The following PPP1R12A variants were observed in gnomAD, a reference collection of about 807,000 sequenced individuals.
PPP1R12A encodes the protein protein phosphatase 1 regulatory subunit 12A, also known as myosin binding subunit.
In PPP1R12A, 19 loss-of-function variants were observed where a neutral mutation model predicts 139.6. The ratio of observed to expected loss-of-function variants is 0.14; its 90% CI spans 0.09 to 0.20. The LOEUF (loss-of-function observed/expected upper bound fraction) is 0.20. Among genes scored for constraint, PPP1R12A ranks in the 10% least tolerant of loss-of-function variants. The pLI, the probability that PPP1R12A is intolerant of heterozygous loss-of-function variation, is 1.00. For missense variants in PPP1R12A, 925 were observed against 1,211.5 expected, an observed-to-expected ratio of 0.76 and a Z score of 3.51; for synonymous variants, 427 against 420.6, an observed-to-expected ratio of 1.02 and a Z score of -0.19.
intron 3 of PPP1R12A, among the ~76,000 whole-genome samples, chr12:79,843,613 T>A (rs945007813): frequency 3.0e-5 from 1 of 33,562 alleles, no homozygotes; most frequent in Non-Finnish European, 4.9e-5. Flanking sequence ...CAAAAAAAAA[T>A]ATAGATATAG....
At chr12:79,856,537 G>C (rs1028924832) in intron 2 of PPP1R12A, among the ~76,000 whole-genome samples, 1 of 152,110 alleles carries the variant, frequency 6.6e-6, no homozygotes, top group Non-Finnish European at 1.5e-5. Context: ...TGTCTTTCTT[G>C]CATAAATGAT....
At chr12:79,827,045 A>G (rs183248511) in intron 5 of PPP1R12A, among the ~76,000 whole-genome samples, 142 of 152,348 alleles carry the variant, frequency 9.3e-4, no homozygotes, top group African/African-American at 3.0e-3. Flanking sequence ...ATGAAAAGAG[A>G]GGTAACACGA....
chr12:79,788,496 A>T, intron 21 of PPP1R12A, 152 bp downstream of exon 21: 1 of 671,328 alleles, frequency 1.5e-6, no homozygotes, highest in Non-Finnish European at 2.4e-6. Context: ...ACAAACAGCT[A>T]TTTACATTCT....
intron 23 of PPP1R12A, chr12:79,779,214 T>C: frequency 2.3e-6 from 2 of 861,394 alleles, no homozygotes; most frequent in Non-Finnish European, 3.3e-6. Flanking sequence ...CACAACACAT[T>C]ATTGCAGTGT....
At chr12:79,921,727 G>C (rs557682767) in intron 1 of PPP1R12A, among the ~76,000 whole-genome samples, 6 of 152,230 alleles carry the variant, frequency 3.9e-5, no homozygotes, top group African/African-American at 1.2e-4. Context: ...TATGTTTCTT[G>C]CATGAATGAG....
chr12:79,920,020 A>G (rs1887315987), intron 1 of PPP1R12A, among the ~76,000 whole-genome samples: 3 of 152,310 alleles, frequency 2.0e-5, no homozygotes, highest in South Asian at 4.1e-4. Flanking sequence ...GCAGTTATTC[A>G]CCAACTCCCC....
At chr12:79,894,745 T>A in intron 1 of PPP1R12A, among the ~76,000 whole-genome samples, 1 of 152,208 alleles carries the variant, frequency 6.6e-6, no homozygotes, top group East Asian at 1.9e-4. Context: ...AACTTTTTTC[T>A]ATTAACTCAT....
At chr12:79,912,705 AAAAG>A (rs1245365695) in intron 1 of PPP1R12A, among the ~76,000 whole-genome samples, 1 of 151,974 alleles carries the variant, frequency 6.6e-6, no homozygotes, top group Admixed American at 6.6e-5. Context: ...AAAAAAAAAA[AAAAG>A]AAGAAATAAA....
chr12:79,867,909 G>A (rs1488125653), intron 2 of PPP1R12A, among the ~76,000 whole-genome samples: 1 of 152,072 alleles, frequency 6.6e-6, no homozygotes, highest in African/African-American at 2.4e-5. Context: ...CACCATGATT[G>A]TAAGTTTCCT....
intron 1 of PPP1R12A, among the ~76,000 whole-genome samples, chr12:79,877,840 T>A (rs1348507584): frequency 6.6e-6 from 1 of 152,150 alleles, no homozygotes. Flanking sequence ...TCTGTTCACC[T>A]TTTTTTCTCA....
At position 79,775,890 on chromosome 12, in the gene PPP1R12A, T is replaced by G. The variant is rs1243439491; in HGVS notation, c.*39A>C. On this transcript the variant is annotated 3_prime_UTR_variant, in exon 25 of 25. Transcript: ENST00000450142. Reference sequence around the variant, plus strand: ...TGCCAATTATGGTCCACTGGGTTACTAATATGTGCAATTCCATTACTTGCT... The same window carrying G: ...TGCCAATTATGGTCCACTGGGTTACGAATATGTGCAATTCCATTACTTGCT... 1.4e-6 allele frequency: 2 copies of G among 1,412,326 alleles called. No homozygotes were observed. Among genetic ancestry groups the G allele is most frequent in the Non-Finnish European group, 1.9e-6 (2 of 1,037,852 alleles). The allele number at this position is 1,412,326 out of a possible 1,614,324, so 87.5% of individuals were successfully genotyped here.
Position 79,884,125 on chromosome 12 carries a change from A to C in PPP1R12A, c.238-11187T>G, listed in dbSNP as rs189030759. ...TAAGCAAGATCCAGAATAGGGTCTT[A>C]TCTGCCATCTTTTGAGTAATCCTTT... On this transcript the variant is annotated intron_variant, in intron 1 of 24. Transcript: ENST00000450142. Among the ~76,000 whole-genome samples, 5 of 152,312 alleles carry C rather than the reference A, an allele frequency of 3.3e-5. No individual in the cohort carries two copies. In the East Asian group the frequency reaches 9.7e-4, roughly 29 times the overall value.
intron 3 of PPP1R12A, among the ~76,000 whole-genome samples, chr12:79,836,576 G>C (rs1163392746): frequency 1.3e-5 from 2 of 152,124 alleles, no homozygotes; most frequent in African/African-American, 4.8e-5. Flanking sequence ...CAAGTGTAAA[G>C]TTAACGTGAA....
intron 14 of PPP1R12A, among the ~76,000 whole-genome samples, chr12:79,803,751 G>A (rs763036378): frequency 2.2e-4 from 33 of 151,900 alleles, no homozygotes; most frequent in Non-Finnish European, 3.8e-4. Context: ...TAATATAGAC[G>A]AGAAAAAATG....
intron 14 of PPP1R12A, among the ~76,000 whole-genome samples, chr12:79,803,746 T>C (rs942601525): frequency 3.3e-5 from 5 of 152,202 alleles, no homozygotes; most frequent in South Asian, 2.1e-4. Flanking sequence ...CTCTATAATA[T>C]AGACGAGAAA....
intron 2 of PPP1R12A, among the ~76,000 whole-genome samples, chr12:79,851,368 T>C (rs949534992): frequency 3.3e-5 from 5 of 152,240 alleles, no homozygotes; most frequent in Non-Finnish European, 5.9e-5. Context: ...CAATGAAAGA[T>C]ACTGTGTAAC....
At chr12:79,857,616 G>A (rs907336051) in intron 2 of PPP1R12A, among the ~76,000 whole-genome samples, 8 of 151,668 alleles carry the variant, frequency 5.3e-5, no homozygotes, top group East Asian at 3.9e-4. Context: ...TAAAATAAAC[G>A]AATGTTACCT....
chr12:79,890,927 A>ACACC (rs1884573515), intron 1 of PPP1R12A, among the ~76,000 whole-genome samples: 1 of 148,762 alleles, frequency 6.7e-6, no homozygotes, highest in African/African-American at 2.5e-5. Context: ...ACACACACAC[A>ACACC]CACACACACA....
At chr12:79,884,620 A>C (rs1472622958) in intron 1 of PPP1R12A, among the ~76,000 whole-genome samples, 1 of 152,178 alleles carries the variant, frequency 6.6e-6, no homozygotes, top group Non-Finnish European at 1.5e-5. Context: ...TTGCTGACTT[A>C]AATTTCTGAC....
Sources: gnomAD v4.1 joint callset for allele counts (sites outside exome capture counted in the v4.1 genomes callset) on GRCh38, gnomAD v4.1.1 for gene constraint, MANE v1.5 for transcripts, NCBI Gene and HGNC (gene_info 2026-07-23, HGNC 2026-07-21) for gene names.